The following HNF1B variants were observed in gnomAD, a reference collection of about 807,000 sequenced individuals.
HNF1B encodes the protein HNF1 homeobox B, also known as hepatocyte nuclear factor 1-beta.
A neutral mutation model predicts 61.7 loss-of-function variants in HNF1B; 8 were observed. The observed-to-expected ratio is 0.13, with a 90% CI of 0.08 to 0.23. HNF1B has a LOEUF of 0.23. Ranked by LOEUF, HNF1B falls within the 10% of genes least tolerant of loss-of-function variation. The pLI, the probability that HNF1B is intolerant of heterozygous loss-of-function variation, is 1.00. For synonymous variants in HNF1B, 314 were observed against 287.7 expected (o/e 1.09, Z -0.93); for missense variants, 562 against 714.5 (o/e 0.79, Z 2.43).
chr17:37,721,143 T>C (rs1203081823), intron 4 of HNF1B, among the ~76,000 whole-genome samples: 4 of 152,182 alleles, frequency 2.6e-5, no homozygotes, highest in Non-Finnish European at 5.9e-5. Flanking sequence ...CCAGCTGCTA[T>C]TCAGAAGCCC....
At chr17:37,722,344 G>T (rs1369819910) in intron 4 of HNF1B, among the ~76,000 whole-genome samples, 1 of 152,186 alleles carries the variant, frequency 6.6e-6, no homozygotes, top group African/African-American at 2.4e-5. Flanking sequence ...CACTGGGTGT[G>T]TCTGATCATA....
At chr17:37,701,889 A>G (rs999205235) in intron 6 of HNF1B, among the ~76,000 whole-genome samples, 2 of 152,220 alleles carry the variant, frequency 1.3e-5, no homozygotes, top group Non-Finnish European at 2.9e-5. Flanking sequence ...CTTGGCATTT[A>G]TAGTGGGTCT....
intron 2 of HNF1B, among the ~76,000 whole-genome samples, chr17:37,735,480 C>T (rs990626512): frequency 6.6e-6 from 1 of 152,198 alleles, no homozygotes; most frequent in Non-Finnish European, 1.5e-5. Context: ...CCTTTGATTT[C>T]GGCCCATTCA....
chr17:37,732,751 T>C (rs980544845), intron 3 of HNF1B, among the ~76,000 whole-genome samples: 1 of 152,118 alleles, frequency 6.6e-6, no homozygotes, highest in Non-Finnish European at 1.5e-5. Flanking sequence ...GGCAGGAGGA[T>C]CGCTTAAGCC....
chr17:37,718,078 T>C (rs987681021), intron 4 of HNF1B, among the ~76,000 whole-genome samples: 1 of 151,934 alleles, frequency 6.6e-6, no homozygotes, highest in Non-Finnish European at 1.5e-5. Context: ...GGAGTAAAAG[T>C]TGAGTGATAC....
chr17:37,690,814 C>T (rs754568492), intron 8 of HNF1B, among the ~76,000 whole-genome samples: 7 of 152,196 alleles, frequency 4.6e-5, no homozygotes, highest in South Asian at 2.1e-4. Context: ...TTTAGACATG[C>T]GTCTGTCCCT....
intron 5 of HNF1B, among the ~76,000 whole-genome samples, chr17:37,708,174 C>T (rs1422005128): frequency 1.3e-5 from 2 of 152,152 alleles, no homozygotes; most frequent in Admixed American, 6.5e-5. Context: ...CCTTTTTAAC[C>T]ATACTCCACT....
At chr17:37,701,213 C>G (rs765913305) in intron 6 of HNF1B, 36 bp from the exon 7 acceptor site, 2 of 1,541,870 alleles carry the variant, frequency 1.3e-6, no homozygotes, top group Non-Finnish European at 1.8e-6. Flanking sequence ...CAGACAGCTC[C>G]TGGGATAAGG....
At chr17:37,718,118 AT>A (rs2033184349) in intron 4 of HNF1B, among the ~76,000 whole-genome samples, 1 of 152,106 alleles carries the variant, frequency 6.6e-6, no homozygotes, top group Non-Finnish European at 1.5e-5. Flanking sequence ...TGGTTTTCTT[AT>A]TTAAAAAAAA....
intron 1 of HNF1B, among the ~76,000 whole-genome samples, chr17:37,743,634 C>G (rs1598853233): frequency 6.6e-6 from 1 of 152,202 alleles, no homozygotes; most frequent in Admixed American, 6.5e-5. Flanking sequence ...GGCCCGGGAG[C>G]GACGTGCTGT....
chr17:37,714,537 C>A (rs545689463), intron 4 of HNF1B, among the ~76,000 whole-genome samples: 2 of 152,170 alleles, frequency 1.3e-5, no homozygotes, highest in Non-Finnish European at 2.9e-5. Flanking sequence ...ACTCACTGGC[C>A]CCATCCCCAT....
chr17:37,701,000 T>C lies in HNF1B; in HGVS notation c.1517A>G (p.Gln506Arg). The C allele has an allele frequency of 6.4e-7, 1 of 1,557,214 alleles. No homozygotes were observed. The highest frequency in any genetic ancestry group is 1.2e-5 in the South Asian group (1 of 84,488). ...AQQPFMAAVTQLQNSHMYAHK... is the reference protein window; with the variant it reads ...AQQPFMAAVTRLQNSHMYAHK... ...GTCCTTACTGTGTGAGTTCTGCAGC[T>C]GAGTCACAGCTGCCATGAAGGGCTG... The change falls in exon 7 of 9, where the codon CAG (glutamine) becomes CGG (arginine). Residue 506 changes from glutamine to arginine, a missense_variant. By Grantham distance (43) the Gln-to-Arg change is conservative (BLOSUM62 1). Transcript: ENST00000617811.
chr17:37,743,034 C>T (rs773319254), intron 1 of HNF1B, among the ~76,000 whole-genome samples: 2 of 152,158 alleles, frequency 1.3e-5, no homozygotes, highest in Non-Finnish European at 2.9e-5. Flanking sequence ...ATTAATAACA[C>T]CCCAACTCCA....
intron 1 of HNF1B, among the ~76,000 whole-genome samples, chr17:37,740,678 C>T (rs1317642484): frequency 2.0e-5 from 3 of 151,308 alleles, no homozygotes; most frequent in Non-Finnish European, 4.4e-5. Flanking sequence ...CAGACAAAAT[C>T]TACTGGGCTA....
At chr17:37,733,087 C>A (rs79497494) in intron 3 of HNF1B, among the ~76,000 whole-genome samples, 4,170 of 152,254 alleles carry the variant, frequency 0.027, 181 homozygotes, top group African/African-American at 0.092. Context: ...TGGACCACTG[C>A]ATGTCTGACA....
intron 8 of HNF1B, among the ~76,000 whole-genome samples, chr17:37,690,202 C>A (rs577349295): frequency 6.6e-6 from 1 of 152,086 alleles, no homozygotes; most frequent in Non-Finnish European, 1.5e-5. Context: ...TGTAAAAATG[C>A]ACAGAAAAAA....
chr17:37,690,735 A>C (rs947186749), intron 8 of HNF1B, among the ~76,000 whole-genome samples: 1 of 152,232 alleles, frequency 6.6e-6, no homozygotes, highest in Non-Finnish European at 1.5e-5. Context: ...CAATTTTGAT[A>C]GGATGAAATA....
intron 8 of HNF1B, among the ~76,000 whole-genome samples, chr17:37,688,395 A>ACG (rs2032058165): frequency 6.6e-6 from 1 of 151,298 alleles, no homozygotes; most frequent in African/African-American, 2.4e-5. Context: ...ACACACACAC[A>ACG]CACACACACA....
In HNF1B at chr17:37,705,044, T is replaced by G; in HGVS notation, c.1212A>C (p.Ser404=). ...NLLSPDGKMI[S]VSGGGLPPVS... ...CTGGGGGCAAACCTCCTCCTGAGAC[T>G]GAGATCTGATGGAGAGAAAAAAACA... The change falls in exon 6 of 9, where the codon TCA becomes TCC. Residue 404 remains serine (S), a synonymous_variant. Coordinates refer to ENST00000617811, the MANE Select transcript of HNF1B (RefSeq NM_000458.4). 1 of 1,613,714 alleles carries G rather than the reference T, an allele frequency of 6.2e-7. No homozygotes were observed.
Sources: gnomAD v4.1 joint callset for allele counts (sites outside exome capture counted in the v4.1 genomes callset) on GRCh38, gnomAD v4.1.1 for gene constraint, MANE v1.5 for transcripts, NCBI Gene and HGNC (gene_info 2026-07-23, HGNC 2026-07-21) for gene names.